CPSF2: variants seen among roughly 807,000 people sequenced by gnomAD.
The protein encoded by CPSF2 is cleavage and polyadenylation specificity factor subunit 2.
Under a neutral mutation model 84.2 loss-of-function variants are expected in CPSF2, and 51 were observed. That is an observed-to-expected ratio of 0.61 (90% CI 0.48 to 0.77). CPSF2 has a LOEUF of 0.77. Ranked by LOEUF, CPSF2 falls within the 30% of genes least tolerant of loss-of-function variation. CPSF2 has a pLI of 0.00. For synonymous variants in CPSF2, 286 were observed against 311.9 expected (o/e 0.92, Z 0.87); for missense variants, 641 against 929.4 (o/e 0.69, Z 4.03).
chr14:92,159,118 C>A lies in CPSF2; in HGVS notation c.1957C>A (p.Leu653Ile), dbSNP rs1567026772. 1.2e-6 allele frequency: 2 copies of A among 1,613,924 alleles called. No individual in the cohort carries two copies. Among genetic ancestry groups the A allele is most frequent in the East Asian group, 4.5e-5 (2 of 44,864 alleles). Residue 653 changes from leucine (L) to isoleucine (I), a missense_variant, in exon 14 of 16, where the codon CTA (leucine) becomes ATA (isoleucine). By Grantham distance (5) the Leu-to-Ile change is conservative. Coordinates refer to ENST00000298875, the MANE Select transcript of CPSF2 (RefSeq NM_017437.3). ...AGGGGTTATTTTAGAAGAAGGAGAA[C>A]TAAAGGATGATGGAGAAGACTCAGA... is the stretch of plus-strand genomic sequence containing the variant. ...DTGVILEEGELKDDGEDSEMQ... is the reference protein window; with the variant it reads ...DTGVILEEGEIKDDGEDSEMQ...
At chr14:92,123,349 C>T (rs192281757) in intron 1 of CPSF2, among the ~76,000 whole-genome samples, 9 of 151,836 alleles carry the variant, frequency 5.9e-5, no homozygotes, top group Non-Finnish European at 1.3e-4. Context: ...GATTATCCGC[C>T]TGCCTCGGCC....
intron 9 of CPSF2, 43 bp from the exon 10 acceptor site, chr14:92,154,315 A>G (rs2069260966): frequency 1.4e-6 from 2 of 1,426,326 alleles, no homozygotes; most frequent in South Asian, 1.3e-5. Flanking sequence ...ACCCCCTAAT[A>G]TTAACATATT....
In CPSF2 at chr14:92,167,391, TAG is replaced by T. The variant is rs2069463025; in HGVS notation, c.*5650_*5651del. ...TAAAAAGCAGTTGACATTTATAACTTAGAGTCTTTTAATGTTAGTGCTGAAAG... is the reference window on the plus strand; with the variant it reads ...TAAAAAGCAGTTGACATTTATAACTTAGTCTTTTAATGTTAGTGCTGAAAG... On this transcript the variant is annotated 3_prime_UTR_variant, in exon 16 of 16. Transcript: ENST00000298875. 1 of 152,146 alleles carries T rather than the reference TAG, an allele frequency of 6.6e-6. No individual in the cohort carries two copies. Among genetic ancestry groups the T allele is most frequent in the African/African-American group, 2.4e-5 (1 of 41,430 alleles). The allele number at this position is 152,146 out of a possible 1,614,324, so 9.4% of individuals were successfully genotyped here.
rs2069479422 is a variant in CPSF2 at position 92,168,465 on chromosome 14, C to G, written c.*6721C>G. 3.3e-5 allele frequency: 5 copies of G among 152,128 alleles called. No homozygotes were observed. The highest frequency in any genetic ancestry group is 2.6e-4 in the Admixed American group (4 of 15,274). The allele number at this position is 152,128 out of a possible 1,614,324, so 9.4% of individuals were successfully genotyped here. ...GTGAGGGTATCTTCTTGGCTTTTCC[C>G]TTTTCCTCCCCACCACTATACGCAC... On this transcript the variant is annotated 3_prime_UTR_variant, in exon 16 of 16. Coordinates refer to ENST00000298875, the MANE Select transcript of CPSF2 (RefSeq NM_017437.3).
At chr14:92,149,405 C>T (rs1379152946) in intron 9 of CPSF2, among the ~76,000 whole-genome samples, 1 of 152,022 alleles carries the variant, frequency 6.6e-6, no homozygotes, top group African/African-American at 2.4e-5. Context: ...AACAGCAACA[C>T]TCTGCCTCTA....
intron 6 of CPSF2, 31 bp from the exon 7 acceptor site, chr14:92,138,201 A>G: frequency 8.7e-7 from 1 of 1,154,724 alleles, no homozygotes; most frequent in Non-Finnish European, 1.3e-6. Context: ...GAAATGATAT[A>G]AAATATTCCT....
At chr14:92,134,381 A>T (rs766332624) in intron 5 of CPSF2, 26 bp downstream of exon 5, 2 of 1,429,612 alleles carry the variant, frequency 1.4e-6, no homozygotes, top group Admixed American at 3.5e-5. Context: ...AGTAGTAAGT[A>T]TTTAGATGAA....
At position 92,157,839 on chromosome 14, in the gene CPSF2, G is replaced by A. The variant is rs765322603; in HGVS notation, c.1776G>A (p.Lys592=). The A allele has an allele frequency of 6.2e-7, 1 of 1,614,170 alleles. No individual in the cohort carries two copies. Among genetic ancestry groups the A allele is most frequent in the South Asian group, 1.1e-5 (1 of 91,082 alleles). Residue 592 remains lysine, a synonymous_variant, in exon 13 of 16, where the codon AAG becomes AAA. Coordinates refer to ENST00000298875, the MANE Select transcript of CPSF2 (RefSeq NM_017437.3). The surrounding 1 kb of genome is among the most constrained non-coding windows in gnomAD (Gnocchi z 4.0). ...GGKDIKVYMP[K]LHETVDATSE... is the part of the protein sequence containing the mutation. ...AAGATATTAAAGTGTACATGCCAAA[G>A]CTACATGAAACAGTTGATGCCACTA...
At chr14:92,147,860 A>G (rs923137219) in intron 9 of CPSF2, among the ~76,000 whole-genome samples, 4 of 152,292 alleles carry the variant, frequency 2.6e-5, no homozygotes, top group African/African-American at 7.2e-5. Context: ...ATTAGTTCGC[A>G]CTGCAGGCAT....
chr14:92,133,239 G>A (rs537924019), intron 3 of CPSF2, among the ~76,000 whole-genome samples: 1 of 151,956 alleles, frequency 6.6e-6, no homozygotes, highest in East Asian at 2.0e-4. Context: ...AACCAACATA[G>A]AGAAACCCCA....
chr14:92,159,355 T>C, intron 14 of CPSF2, 73 bp downstream of exon 14: 1 of 1,270,404 alleles, frequency 7.9e-7, no homozygotes, highest in Middle Eastern at 2.1e-4. Flanking sequence ...CTTTTGGTTT[T>C]TTTCCCCCCT....
intron 2 of CPSF2, among the ~76,000 whole-genome samples, chr14:92,128,221 G>C (rs1262518641): frequency 6.6e-6 from 1 of 150,418 alleles, no homozygotes; most frequent in Non-Finnish European, 1.5e-5. Context: ...GGTGACAAGA[G>C]TGAAACTCTG....
At chr14:92,142,388 A>G in intron 8 of CPSF2, 37 bp downstream of exon 8, 3 of 1,534,040 alleles carry the variant, frequency 2.0e-6, no homozygotes, top group Non-Finnish European at 2.7e-6. Flanking sequence ...TAAGTTTGCT[A>G]CAGTGATTGG....
At chr14:92,159,451 A>T (rs984702303) in intron 14 of CPSF2, among the ~76,000 whole-genome samples, 169 bp downstream of exon 14, 3 of 152,180 alleles carry the variant, frequency 2.0e-5, no homozygotes, top group African/African-American at 7.2e-5. Context: ...TCACGCCTGT[A>T]ATCCCAGCAC....
intron 14 of CPSF2, among the ~76,000 whole-genome samples, chr14:92,160,700 A>T (rs1316491656): frequency 6.6e-6 from 1 of 152,362 alleles, no homozygotes; most frequent in Non-Finnish European, 1.5e-5. Flanking sequence ...AAGGAGGGAC[A>T]GGGAAAATGG....
At chr14:92,139,821 A>G (rs533412452) in intron 7 of CPSF2, among the ~76,000 whole-genome samples, 1 of 150,628 alleles carries the variant, frequency 6.6e-6, no homozygotes, top group Admixed American at 6.6e-5. Flanking sequence ...TTACAGGCGT[A>G]AACCACTGCA....
chr14:92,131,486 T>C (rs2068928413), intron 3 of CPSF2, among the ~76,000 whole-genome samples: 1 of 152,216 alleles, frequency 6.6e-6, no homozygotes, highest in Non-Finnish European at 1.5e-5. Flanking sequence ...CATCTTTTGA[T>C]GCTTAACATT....
Position 92,145,738 on chromosome 14 carries a change from A to C in CPSF2, c.1140+2444A>C, listed in dbSNP as rs117122327. Among the ~76,000 whole-genome samples the C allele has an allele frequency of 2.4e-3, 362 of 152,342 alleles. 1 individual carries two copies. The highest frequency in any genetic ancestry group is 0.014 in the Middle Eastern group (4 of 294). ...AATAAACCATTTGAGGAATTAGTAAAAGAAAAATGGTTTAAGTTTGGAAAA... is the reference window on the plus strand; with the variant it reads ...AATAAACCATTTGAGGAATTAGTAACAGAAAAATGGTTTAAGTTTGGAAAA... On this transcript the variant is annotated intron_variant, in intron 9 of 15. Transcript: ENST00000298875.
intron 6 of CPSF2, among the ~76,000 whole-genome samples, chr14:92,136,323 G>T (rs1156700674): frequency 6.6e-6 from 1 of 152,160 alleles, no homozygotes; most frequent in African/African-American, 2.4e-5. Flanking sequence ...GGAAAGGATG[G>T]CTATGTTGCA....
Sources: gnomAD v4.1 joint callset for allele counts (sites outside exome capture counted in the v4.1 genomes callset) on GRCh38, gnomAD v4.1.1 for gene constraint, Gnocchi (gnomAD v3.1) non-coding constraint, MANE v1.5 for transcripts, NCBI Gene and HGNC (gene_info 2026-07-23, HGNC 2026-07-21) for gene names.